Variants in SNX29 observed in about 807,000 individuals in gnomAD.
SNX29 encodes the protein sorting nexin 29.
In SNX29, 78 loss-of-function variants were observed where a neutral mutation model predicts 102.1. That is an observed-to-expected ratio of 0.76 (90% CI 0.64 to 0.92). SNX29 has a LOEUF of 0.92. Ranked by LOEUF, SNX29 falls within the 40% of genes least tolerant of loss-of-function variation. The probability of loss-of-function intolerance (pLI) is 0.00; values close to 1 mark genes in which losing one functional copy is unlikely to be tolerated. For synonymous variants in SNX29, 580 were observed against 414.5 expected (o/e 1.40, Z -4.85); for missense variants, 1,280 against 1,061.7 (o/e 1.21, Z -2.86).
Position 12,572,294 on chromosome 16 carries a change from G to T in SNX29, c.*3665G>T. 8.2e-6 allele frequency: 8 copies of T among 978,136 alleles called. No homozygotes were observed. The highest frequency in any genetic ancestry group is 2.8e-5 in the African/African-American group (1 of 35,624). 60.6% of individuals were successfully genotyped at this position (978,136 alleles called of 1,614,324 possible). ...ATGCAACTAACAAGTACTGGGGCCA[G>T]TGATCACAATCCAGGTTGGAAACAG... is the stretch of plus-strand genomic sequence containing the variant. On this transcript the variant is annotated 3_prime_UTR_variant, in exon 21 of 21. Coordinates refer to ENST00000566228, the MANE Select transcript of SNX29 (RefSeq NM_032167.5).
At chr16:12,251,693 ACT>A (rs1323413134) in intron 14 of SNX29, among the ~76,000 whole-genome samples, 3 of 152,102 alleles carry the variant, frequency 2.0e-5, no homozygotes, top group Non-Finnish European at 4.4e-5. Context: ...ACAGAGTAAG[ACT>A]CTGTCTCCAA....
chr16:12,224,329 C>T (rs913959152), intron 14 of SNX29, among the ~76,000 whole-genome samples: 3 of 152,042 alleles, frequency 2.0e-5, no homozygotes, highest in Admixed American at 6.6e-5. Flanking sequence ...TTGCTTTCTC[C>T]GACAACTGTT....
In SNX29 at chr16:12,458,751, C is replaced by G. The variant is rs542878943; in HGVS notation, c.2038-18968C>G. Among the ~76,000 whole-genome samples the G allele has an allele frequency of 1.9e-3, 290 of 152,244 alleles. 2 individuals are homozygous for G. The highest frequency in any genetic ancestry group is 6.4e-3 in the African/African-American group (265 of 41,544). ...AGCCTTTGGAGTGTGTCGCAATCCACTCCCCTTCTCTTCCTGCACACGCCG... is the reference window on the plus strand; with the variant it reads ...AGCCTTTGGAGTGTGTCGCAATCCAGTCCCCTTCTCTTCCTGCACACGCCG... On this transcript the variant is annotated intron_variant, in intron 18 of 20. Coordinates refer to ENST00000566228, the MANE Select transcript of SNX29 (RefSeq NM_032167.5).
intron 18 of SNX29, among the ~76,000 whole-genome samples, chr16:12,422,390 G>C (rs76423597): frequency 0.019 from 2,886 of 152,290 alleles, 87 homozygotes; most frequent in African/African-American, 0.066. Flanking sequence ...TTCCCCTGGT[G>C]TTTTTAATTA....
chr16:12,173,538 A>G (rs925912888), intron 13 of SNX29, among the ~76,000 whole-genome samples: 5 of 152,118 alleles, frequency 3.3e-5, no homozygotes, highest in African/African-American at 4.8e-5. Context: ...TTGAATCTGT[A>G]TCTTTTGGCT....
chr16:12,468,914 C>A (rs1224472667), intron 18 of SNX29, among the ~76,000 whole-genome samples: 3 of 152,352 alleles, frequency 2.0e-5, no homozygotes, highest in African/African-American at 7.2e-5. Context: ...TTGGGCACTT[C>A]CGGCCATGCC....
chr16:12,535,831 T>C (rs750846049), intron 20 of SNX29, among the ~76,000 whole-genome samples: 2 of 152,152 alleles, frequency 1.3e-5, no homozygotes, highest in Non-Finnish European at 2.9e-5. Flanking sequence ...CTTTGGCCTC[T>C]CAGTGCTTAG....
At chr16:12,116,599 G>A (rs926915663) in intron 11 of SNX29, among the ~76,000 whole-genome samples, 8 of 152,144 alleles carry the variant, frequency 5.3e-5, no homozygotes, top group Non-Finnish European at 8.8e-5. Context: ...ACTTGAACCC[G>A]GGAGGCAGAG....
intron 8 of SNX29, among the ~76,000 whole-genome samples, chr16:12,056,320 G>A (rs1047002320): frequency 2.0e-5 from 3 of 152,198 alleles, no homozygotes; most frequent in African/African-American, 7.2e-5. Context: ...ACAGTGCAGG[G>A]TGACCTTCAC....
At chr16:12,010,033 G>A (rs561383805) in intron 3 of SNX29, among the ~76,000 whole-genome samples, 2 of 152,332 alleles carry the variant, frequency 1.3e-5, no homozygotes, top group South Asian at 4.1e-4. Context: ...GTTCTGGGTT[G>A]TGTTGCGATT....
chr16:12,077,919 C>T (rs569212238), intron 10 of SNX29, among the ~76,000 whole-genome samples: 2 of 152,094 alleles, frequency 1.3e-5, no homozygotes, highest in South Asian at 2.1e-4. Context: ...CCACACCTGG[C>T]CTGGTCACAG....
At chr16:12,326,342 T>TTC (rs1555511687) in intron 15 of SNX29, among the ~76,000 whole-genome samples, 16 of 148,494 alleles carry the variant, frequency 1.1e-4, no homozygotes, top group African/African-American at 1.5e-4. Flanking sequence ...TTTTTTTTTT[T>TTC]CCCTGTCCAG....
chr16:12,478,483 G>A (rs941121526), intron 19 of SNX29, among the ~76,000 whole-genome samples: 4 of 152,152 alleles, frequency 2.6e-5, no homozygotes, highest in Admixed American at 2.0e-4. Context: ...TATTCATCCC[G>A]GTTCCCTTGA....
intron 18 of SNX29, among the ~76,000 whole-genome samples, chr16:12,455,339 CT>C (rs952517081): frequency 6.6e-5 from 10 of 151,584 alleles, no homozygotes; most frequent in African/African-American, 1.5e-4. Flanking sequence ...CCATCAAGGA[CT>C]TTTTTTTTGA....
In SNX29 at chr16:12,075,781, G is replaced by GAGGC. The variant is rs529673794; in HGVS notation, c.1320-3043_1320-3040dup. ...CCTGCCCCCAGAGGTGGAGCCTACAGAGGCAGGCAGGCCTCCTTGAGCTGT... is the reference window on the plus strand; with the variant it reads ...CCTGCCCCCAGAGGTGGAGCCTACAGAGGCAGGCAGGCAGGCCTCCTTGAGCTGT... On this transcript the variant is annotated intron_variant, in intron 10 of 20. Coordinates refer to ENST00000566228, the MANE Select transcript of SNX29 (RefSeq NM_032167.5). 5.5e-3 allele frequency among the ~76,000 whole-genome samples: 836 copies of GAGGC among 152,360 alleles called. 6 individuals carry two copies. Among genetic ancestry groups the GAGGC allele is most frequent in the African/African-American group, 0.019 (793 of 41,582 alleles).
chr16:12,043,053 T>C lies in SNX29; in HGVS notation c.404T>C (p.Leu135Pro). 1 of 1,613,428 alleles carries C rather than the reference T, an allele frequency of 6.2e-7. No homozygotes were observed. The highest frequency in any genetic ancestry group is 8.5e-7 in the Non-Finnish European group (1 of 1,179,856). ...TCCCTGGAGCGCTACCTGCACATGC[T>C]CCTGGCCGACCGCTGCAGGCTGAGG... is the stretch of plus-strand genomic sequence containing the variant. Reference protein sequence around the residue: ...EHSLERYLHMLLADRCRLSTF... With the variant: ...EHSLERYLHMPLADRCRLSTF... Residue 135 changes from leucine (L) to proline (P), a missense_variant, in exon 5 of 21, where the codon CTC (leucine) becomes CCC (proline). Coordinates refer to ENST00000566228, the MANE Select transcript of SNX29 (RefSeq NM_032167.5).
chr16:12,547,082 A>C (rs777024618), intron 20 of SNX29, among the ~76,000 whole-genome samples: 1 of 152,216 alleles, frequency 6.6e-6, no homozygotes, highest in Non-Finnish European at 1.5e-5. Flanking sequence ...AGACATGCCT[A>C]TGTGAGGTGG....
rs114880541 is a variant in SNX29, at chr16:12,096,376, A to G, written c.1402+17461A>G. On this transcript the variant is annotated intron_variant, in intron 11 of 20. Coordinates refer to ENST00000566228, the MANE Select transcript of SNX29 (RefSeq NM_032167.5). This position sits in a 1 kb window ranked among gnomAD's most constrained non-coding sequence, Gnocchi z 4.2. Reference sequence around the variant, plus strand: ...GTGCTGGGCGCAGTTCTAGGTGCTGAGGAGCCAGAGGTGGGGATCCAGCTT... The same window carrying G: ...GTGCTGGGCGCAGTTCTAGGTGCTGGGGAGCCAGAGGTGGGGATCCAGCTT... 2.1e-4 allele frequency among the ~76,000 whole-genome samples: 32 copies of G among 152,346 alleles called. No individual in the cohort carries two copies. The highest frequency in any genetic ancestry group is 6.3e-4 in the African/African-American group (26 of 41,580).
intron 19 of SNX29, among the ~76,000 whole-genome samples, chr16:12,521,204 T>C (rs559338548): frequency 6.6e-6 from 1 of 151,916 alleles, no homozygotes; most frequent in Non-Finnish European, 1.5e-5. Context: ...CAAAAACAAA[T>C]AAAACACTCG....
Sources: gnomAD v4.1 joint callset for allele counts (sites outside exome capture counted in the v4.1 genomes callset) on GRCh38, gnomAD v4.1.1 for gene constraint, Gnocchi (gnomAD v3.1) non-coding constraint, MANE v1.5 for transcripts, NCBI Gene and HGNC (gene_info 2026-07-23, HGNC 2026-07-21) for gene names.